DNAH5: variants seen among roughly 807,000 people sequenced by gnomAD.
DNAH5 encodes the protein axonemal beta dynein heavy chain 5.
In DNAH5, 372 loss-of-function variants were observed where a neutral mutation model predicts 518.2. The observed-to-expected ratio is 0.72, with a 90% CI of 0.66 to 0.78. DNAH5 has a LOEUF of 0.78. DNAH5 is among the 30% of genes least tolerant of loss of function. The probability of loss-of-function intolerance (pLI) is 0.00; values close to 1 mark genes in which losing one functional copy is unlikely to be tolerated. For missense variants in DNAH5, 5,523 were observed against 5,687.0 expected (o/e 0.97, Z 0.93); for synonymous variants, 2,039 against 2,025.9 (o/e 1.01, Z -0.17).
chr5:13,974,482 C>T (rs1325869574), intron 1 of DNAH5, among the ~76,000 whole-genome samples: 1 of 152,152 alleles, frequency 6.6e-6, no homozygotes, highest in East Asian at 1.9e-4. Context: ...AACACATATT[C>T]ATTAATACCT....
intron 2 of DNAH5, among the ~76,000 whole-genome samples, chr5:13,930,792 T>C (rs76618733): frequency 0.012 from 1,885 of 152,254 alleles, 37 homozygotes; most frequent in African/African-American, 0.042. Context: ...ATCGGCAACT[T>C]GAAACGAGAT....
At position 14,006,888 on chromosome 5, in the gene DNAH5, T is replaced by C. The variant is rs563875365; in HGVS notation, c.12+4760A>G. ...CCTCGGCCCTGGCTGCAGCATCTCCTCCTGCCTCCTGCTGCTGCCTCCACA... is the reference window on the plus strand; with the variant it reads ...CCTCGGCCCTGGCTGCAGCATCTCCCCCTGCCTCCTGCTGCTGCCTCCACA... On this transcript the variant is annotated intron_variant, in intron 1 of 78. Coordinates refer to the DNAH5 transcript ENST00000681290. Among the ~76,000 whole-genome samples the C allele has an allele frequency of 3.9e-5, 6 of 152,308 alleles. No homozygotes were observed. The South Asian group carries it at 1.2e-3, about 32-fold the overall frequency.
At chr5:13,855,871 C>G (rs1172202886) in intron 30 of DNAH5, among the ~76,000 whole-genome samples, 2 of 152,152 alleles carry the variant, frequency 1.3e-5, no homozygotes, top group Non-Finnish European at 2.9e-5. Flanking sequence ...TACATGGAAA[C>G]TGAACAACCA....
intron 16 of DNAH5, among the ~76,000 whole-genome samples, chr5:13,892,866 AAACT>A (rs1215067691): frequency 1.3e-5 from 2 of 152,226 alleles, no homozygotes; most frequent in Non-Finnish European, 2.9e-5. Context: ...ATCGGGTTCT[AAACT>A]CATTATTATT....
intron 30 of DNAH5, among the ~76,000 whole-genome samples, chr5:13,858,845 C>G (rs143257049): frequency 6.6e-6 from 1 of 152,080 alleles, no homozygotes; most frequent in Admixed American, 6.5e-5. Flanking sequence ...ATCTTGCATA[C>G]GACTTAAGGT....
chr5:13,807,752 AGAAAT>A (rs760054416), intron 46 of DNAH5, 27 bp from the exon 47 acceptor site: 3 of 1,583,968 alleles, frequency 1.9e-6, no homozygotes, highest in Middle Eastern at 1.8e-4. Flanking sequence ...TGAAAAAAAA[AGAAAT>A]GAAATAAATG....
intron 52 of DNAH5, 82 bp from the exon 53 acceptor site, chr5:13,781,041 G>T: frequency 6.9e-7 from 1 of 1,446,558 alleles, no homozygotes; most frequent in Non-Finnish European, 9.6e-7. Context: ...TATGAATAAG[G>T]CCTAATTATT....
intron 70 of DNAH5, among the ~76,000 whole-genome samples, chr5:13,724,464 G>A (rs938377041): frequency 6.6e-6 from 1 of 152,208 alleles, no homozygotes; most frequent in Non-Finnish European, 1.5e-5. Flanking sequence ...GTCTCAGAGA[G>A]ACTTAGGACT....
Position 13,699,835 on chromosome 5 carries a change from T to C in DNAH5, c.13723+805A>G, listed in dbSNP as rs140134895. 2.3e-3 allele frequency among the ~76,000 whole-genome samples: 343 copies of C among 152,220 alleles called. 8 individuals carry two copies. In the East Asian group the frequency reaches 0.046, roughly 21 times the overall value. On this transcript the variant is annotated intron_variant, in intron 78 of 78. Transcript: ENST00000265104. ...TTGGGATCCACTATCATGGCTAGAG[T>C]TTATGGTTTATGCTTCTAAGACGAA...
chr5:14,007,454 G>A (rs2152088846), intron 1 of DNAH5, among the ~76,000 whole-genome samples: 1 of 152,254 alleles, frequency 6.6e-6, no homozygotes, highest in East Asian at 1.9e-4. Context: ...GGCCCAATCT[G>A]GAAGCGGCTT....
chr5:13,859,316 C>G (rs1373253614), intron 30 of DNAH5, 136 bp downstream of exon 30: 1 of 909,948 alleles, frequency 1.1e-6, no homozygotes, highest in East Asian at 2.6e-5. Flanking sequence ...AGAATAACAG[C>G]ATTAACAGTG....
At chr5:13,792,889 TA>T (rs1757217294) in intron 49 of DNAH5, among the ~76,000 whole-genome samples, 1 of 152,224 alleles carries the variant, frequency 6.6e-6, no homozygotes, top group African/African-American at 2.4e-5. Flanking sequence ...ATACTTAACA[TA>T]AATGTGTTCA....
chr5:13,917,879 G>A (rs941356226), intron 7 of DNAH5, among the ~76,000 whole-genome samples: 5 of 152,272 alleles, frequency 3.3e-5, no homozygotes, highest in South Asian at 4.1e-4. Flanking sequence ...TCTATAGCAC[G>A]TTTATTGCAA....
In DNAH5 at chr5:13,862,812, G is replaced by A. The variant is rs538106519; in HGVS notation, c.4597-65C>T. ...CACACGTCCTTCCTTAATAGTCTAC[G>A]TGCAATACCCCATCTTCACTATTTG... On this transcript the variant is annotated intron_variant, in intron 28 of 78. Coordinates refer to ENST00000265104, the MANE Select transcript of DNAH5 (RefSeq NM_001369.3). 316 of 1,081,278 alleles carry A rather than the reference G, an allele frequency of 2.9e-4. No individual in the cohort carries two copies. The African/African-American group carries it at 4.1e-3, about 14-fold the overall frequency. The allele number at this position is 1,081,278 out of a possible 1,614,324, so 67.0% of individuals were successfully genotyped here.
At position 13,780,875 on chromosome 5, in the gene DNAH5, C is replaced by A. The variant is rs756306722; in HGVS notation, c.8905G>T (p.Ala2969Ser). 4 of 1,613,790 alleles carry A rather than the reference C, an allele frequency of 2.5e-6. No individual in the cohort carries two copies. In the South Asian group the frequency reaches 3.3e-5, roughly 13 times the overall value. ...GAAACGTAGCCAGCAATGAATGAAGCCAACCTCGTCAGGCTCTGCTTTCCT... is the reference window on the plus strand; with the variant it reads ...GAAACGTAGCCAGCAATGAATGAAGACAACCTCGTCAGGCTCTGCTTTCCT... ...GSGKQSLTRLASFIAGYVSFQ... is the reference protein window; with the variant it reads ...GSGKQSLTRLSSFIAGYVSFQ... Residue 2969 changes from alanine to serine, a missense_variant, in exon 53 of 79, where the codon GCT (alanine) becomes TCT (serine). Coordinates refer to ENST00000265104, the MANE Select transcript of DNAH5 (RefSeq NM_001369.3).
At chr5:13,973,422 C>T (rs1054374265) in intron 1 of DNAH5, among the ~76,000 whole-genome samples, 3 of 152,164 alleles carry the variant, frequency 2.0e-5, no homozygotes, top group Non-Finnish European at 4.4e-5. Flanking sequence ...ACTAAGTCTT[C>T]GAGAGTGTTC....
intron 30 of DNAH5, among the ~76,000 whole-genome samples, chr5:13,859,189 C>A (rs113335734): frequency 3.3e-5 from 5 of 152,190 alleles, no homozygotes; most frequent in Admixed American, 3.3e-4. Flanking sequence ...ATCAATTATG[C>A]GACCACTTAT....
rs1298228732 is a variant in DNAH5 at position 13,793,722 on chromosome 5, T to C, written c.8017A>G (p.Asn2673Asp). The C allele has an allele frequency of 5.0e-6, 8 of 1,613,898 alleles. No homozygotes were observed. Among genetic ancestry groups the C allele is most frequent in the Non-Finnish European group, 6.8e-6 (8 of 1,179,988 alleles). ...TCCATCAGCTGTCGCACTATCTCATTCGTAACCTACAAAAGACAACTTTCA... is the reference window on the plus strand; with the variant it reads ...TCCATCAGCTGTCGCACTATCTCATCCGTAACCTACAAAAGACAACTTTCA... ...IINEWGDQVT[N>D]EIVRQLMEQN... The change falls in exon 49 of 79, where the codon AAT (asparagine) becomes GAT (aspartate). Residue 2673 changes from asparagine (N) to aspartate (D), a missense_variant. This residue lies in a region of DNAH5 where 5,121 missense variants were observed against 5,223.3 expected (regional missense o/e 0.98). Coordinates refer to ENST00000265104, the MANE Select transcript of DNAH5 (RefSeq NM_001369.3).
At chr5:13,955,934 G>T (rs7732407) in intron 1 of DNAH5, among the ~76,000 whole-genome samples, 3,016 of 152,208 alleles carry the variant, frequency 0.02, 52 homozygotes, top group East Asian at 0.087. Flanking sequence ...CAAGACATGA[G>T]GGGAGGGAAA....
Sources: allele counts gnomAD v4.1 joint callset (sites outside exome capture counted in the v4.1 genomes callset), GRCh38; gene constraint gnomAD v4.1.1; regional missense constraint gnomAD v4.1.1; transcripts MANE v1.5; gene names NCBI Gene and HGNC (gene_info 2026-07-23, HGNC 2026-07-21).